RETREG2: variants seen among roughly 807,000 people sequenced by gnomAD.
RETREG2 encodes the protein reticulophagy regulator family member 2, also known as reticulophagy regulator 2.
Under a neutral mutation model 51.6 loss-of-function variants are expected in RETREG2, and 21 were observed. The ratio of observed to expected loss-of-function variants is 0.41; its 90% confidence interval spans 0.29 to 0.59. The LOEUF (loss-of-function observed/expected upper bound fraction) is 0.59, where lower values mean the gene tolerates loss of function less well. Among genes scored for constraint, RETREG2 ranks in the 20% least tolerant of loss-of-function variants. The pLI is 0.34. For synonymous variants in RETREG2, 339 were observed against 288.6 expected (o/e 1.17, Z -1.77); for missense variants, 674 against 646.0 (o/e 1.04, Z -0.47).
rs547495514 is a variant in RETREG2 at position 219,182,303 on chromosome 2, G to A, written c.1306G>A (p.Glu436Lys). ...AGGACCAGTGGAGACACTGAGCCCCGAGACAGTGAGTGGTGGCCTCACTGC... is the reference window on the plus strand; with the variant it reads ...AGGACCAGTGGAGACACTGAGCCCCAAGACAGTGAGTGGTGGCCTCACTGC... ...PGGPVETLSP[E>K]TVSGGLTALP... Residue 436 changes from glutamate to lysine, a missense_variant, in exon 9 of 9, where the codon GAG becomes AAG. Glu to Lys is a moderately conservative substitution (Grantham distance 56, BLOSUM62 1). Transcript: ENST00000430297. 13 of 1,614,072 alleles carry A rather than the reference G, an allele frequency of 8.1e-6. No homozygotes were observed. The highest frequency in any genetic ancestry group is 1.6e-4 in the Middle Eastern group (1 of 6,062).
Position 219,182,530 on chromosome 2 carries a change from A to G in RETREG2, c.1533A>G (p.Pro511=). ...TGAATGCAGAGCTGGGCTTGGAGCC[A>G]GAGACACCGCCAAAACCCCCTGATG... is the stretch of plus-strand genomic sequence containing the variant. ...EQLNAELGLE[P]ETPPKPPDAP... Residue 511 remains proline, a synonymous_variant, in exon 9 of 9, where the codon CCA becomes CCG. Coordinates refer to ENST00000430297, the MANE Select transcript of RETREG2 (RefSeq NM_024293.6). 1 of 1,614,186 alleles carries G rather than the reference A, an allele frequency of 6.2e-7. No homozygotes were observed. Among genetic ancestry groups the G allele is most frequent in the South Asian group, 1.1e-5 (1 of 91,082 alleles).
At chr2:219,181,985 C>G in intron 8 of RETREG2, 28 bp from the exon 9 acceptor site, 1 of 1,606,330 alleles carries the variant, frequency 6.2e-7, no homozygotes, top group Non-Finnish European at 8.5e-7. Context: ...GCAGCAGGCC[C>G]ATTCTTAATT....
chr2:219,182,600 CAAG>C lies in RETREG2; in HGVS notation c.1607_1609del (p.Glu536del). 6.2e-7 allele frequency: 1 copy of C among 1,614,134 alleles called. No homozygotes were observed. Among genetic ancestry groups the C allele is most frequent in the South Asian group, 1.1e-5 (1 of 91,084 alleles). ...CATCCATTCTCTGGTACAGTCAGAC[CAAG>C]AAGCTCAGGCCGTGGCAGAGCCATG... is the stretch of plus-strand genomic sequence containing the variant. On this transcript the variant is annotated inframe_deletion, in exon 9 of 9. Coordinates refer to ENST00000430297, the MANE Select transcript of RETREG2 (RefSeq NM_024293.6).
rs1477029424 is a variant in RETREG2 at position 219,184,803 on chromosome 2, TTTGG to T, written c.*2177_*2180del. 7.5e-6 allele frequency: 1 copy of T among 134,052 alleles called. No individual in the cohort carries two copies. Among genetic ancestry groups the T allele is most frequent in the African/African-American group, 2.6e-5 (1 of 38,138 alleles). 8.3% of individuals were successfully genotyped at this position (134,052 alleles called of 1,614,324 possible). On this transcript the variant is annotated 3_prime_UTR_variant, in exon 9 of 9. Coordinates refer to ENST00000430297, the MANE Select transcript of RETREG2 (RefSeq NM_024293.6). ...GGGTCTATTCTTTTGTTGTTGTTGTTTTGGTTTTTTGTTTTTTGTGGGTTTTTTT... is the reference window on the plus strand; with the variant it reads ...GGGTCTATTCTTTTGTTGTTGTTGTTTTTTTTGTTTTTTGTGGGTTTTTTT...
Position 219,178,956 on chromosome 2 carries a change from C to G in RETREG2, c.316C>G (p.Leu106Val), listed in dbSNP as rs375522296. 3.0e-5 allele frequency: 49 copies of G among 1,613,916 alleles called. No homozygotes were observed. The highest frequency in any genetic ancestry group is 6.7e-5 in the Admixed American group (4 of 59,998). Residue 106 changes from leucine to valine, a missense_variant, in exon 2 of 9, where the codon CTA (leucine) becomes GTA (valine). By Grantham distance (32) the Leu-to-Val change is conservative (BLOSUM62 1). Coordinates refer to ENST00000430297, the MANE Select transcript of RETREG2 (RefSeq NM_024293.6). ...TTCCTCGTCCCTCCGGCCCTTCTTC[C>G]TACTCAGCGTCTCACTTTTGGCCTA... ...LSSSSLRPFF[L>V]LSVSLLAYFL... is the part of the protein sequence containing the mutation.
rs1950320476 is a variant in RETREG2 at position 219,184,275 on chromosome 2, GGAA to G, written c.*1650_*1652del. The G allele has an allele frequency of 6.6e-6, 1 of 152,164 alleles. No homozygotes were observed. The highest frequency in any genetic ancestry group is 1.5e-5 in the Non-Finnish European group (1 of 68,026). The allele number at this position is 152,164 out of a possible 1,614,324, so 9.4% of individuals were successfully genotyped here. ...GGACATGGCAAGCCTTCCTCTTTGG[GGAA>G]GAAAAGCCCAGAACTGAGCAGATGG... On this transcript the variant is annotated 3_prime_UTR_variant, in exon 9 of 9. Transcript: ENST00000430297.
intron 8 of RETREG2, 79 bp from the exon 9 acceptor site, chr2:219,181,934 C>A: frequency 6.4e-7 from 1 of 1,570,962 alleles, no homozygotes. Context: ...GTCTTGAGTT[C>A]TCATCCTTGA....
In RETREG2 at chr2:219,178,407, G is replaced by A; in HGVS notation, c.55G>A (p.Gly19Ser). The change falls in exon 1 of 9, where the codon GGC becomes AGC. Residue 19 changes from glycine (G) to serine (S), a missense_variant. Gly to Ser is a moderately conservative substitution (Grantham distance 56, BLOSUM62 0). Transcript: ENST00000430297. The part of the protein sequence containing the change: ...NTGAGGGPGM[G>S]LSLGLGLGLS... ...TGGCGCGGGTGGGGGGCCGGGGATG[G>A]GCCTGAGCCTGGGCCTGGGTCTGGG... 3.6e-6 allele frequency: 2 copies of A among 554,484 alleles called. No homozygotes were observed. Among genetic ancestry groups the A allele is most frequent in the Middle Eastern group, 4.4e-4 (1 of 2,280 alleles). The allele number at this position is 554,484 out of a possible 1,614,324, so 34.3% of individuals were successfully genotyped here.
intron 2 of RETREG2, 87 bp downstream of exon 2, chr2:219,179,115 G>C: frequency 2.0e-6 from 2 of 988,934 alleles, no homozygotes; most frequent in Non-Finnish European, 3.2e-6. Flanking sequence ...CGAGGGGAAC[G>C]TACAGCAGGC....
Position 219,179,777 on chromosome 2 carries a change from A to C in RETREG2, c.419+14A>C. 1.2e-6 allele frequency: 2 copies of C among 1,613,464 alleles called. No individual in the cohort carries two copies. Among genetic ancestry groups the C allele is most frequent in the African/African-American group, 1.3e-5 (1 of 74,992 alleles). ...ACACTCTGACAGGTGAGTACAGGCC[A>C]CCTCTTGAAGACAAATGCCCACATC... On this transcript the variant is annotated intron_variant, in intron 3 of 8. Transcript: ENST00000430297.
rs758420635 is a variant in RETREG2 at position 219,182,294 on chromosome 2, C to G, written c.1297C>G (p.Leu433Val). ...CTCCCCTGGAGGACCAGTGGAGACACTGAGCCCCGAGACAGTGAGTGGTGG... is the reference window on the plus strand; with the variant it reads ...CTCCCCTGGAGGACCAGTGGAGACAGTGAGCCCCGAGACAGTGAGTGGTGG... ...KCSPGGPVET[L>V]SPETVSGGLT... The change falls in exon 9 of 9, where the codon CTG (leucine) becomes GTG (valine). Residue 433 changes from leucine to valine, a missense_variant. Physicochemically the swap from Leu to Val is conservative, Grantham distance 32 (BLOSUM62 1). Coordinates refer to ENST00000430297, the MANE Select transcript of RETREG2 (RefSeq NM_024293.6). 6 of 1,614,156 alleles carry G rather than the reference C, an allele frequency of 3.7e-6. No individual in the cohort carries two copies. The highest frequency in any genetic ancestry group is 4.5e-5 in the East Asian group (2 of 44,886).
At position 219,180,212 on chromosome 2, in the gene RETREG2, G is replaced by C. The variant is rs182569220; in HGVS notation, c.522G>C (p.Glu174Asp). The C allele has an allele frequency of 6.2e-7, 1 of 1,614,180 alleles. No individual in the cohort carries two copies. Among genetic ancestry groups the C allele is most frequent in the Non-Finnish European group, 8.5e-7 (1 of 1,180,040 alleles). The change falls in exon 4 of 9, where the codon GAG becomes GAC. Residue 174 changes from glutamate (E) to aspartate (D), a missense_variant. Physicochemically the swap from Glu to Asp is conservative, Grantham distance 45. Coordinates refer to ENST00000430297, the MANE Select transcript of RETREG2 (RefSeq NM_024293.6). ...SWLTFQIHLQ[E>D]LLQYKRQNPA... ...TCACCTTCCAGATTCACCTGCAGGA[G>C]CTGCTGCAGTACAAGAGGCAGAATC...
chr2:219,182,718 G>A lies in RETREG2; in HGVS notation c.*89G>A. ...CCTCCTTTGCCTACCACTCTGGGGT[G>A]GGGCAGTGTGTGGGGAAGCTGGCTG... On this transcript the variant is annotated 3_prime_UTR_variant, in exon 9 of 9. Coordinates refer to ENST00000430297, the MANE Select transcript of RETREG2 (RefSeq NM_024293.6). 1 of 1,491,252 alleles carries A rather than the reference G, an allele frequency of 6.7e-7. No individual in the cohort carries two copies. Among genetic ancestry groups the A allele is most frequent in the East Asian group, 2.3e-5 (1 of 43,646 alleles). The allele number at this position is 1,491,252 out of a possible 1,614,324, so 92.4% of individuals were successfully genotyped here.
rs1162941407 is a variant in RETREG2, at chr2:219,184,325, C to T, written c.*1696C>T. 6.6e-6 allele frequency: 1 copy of T among 152,212 alleles called. No homozygotes were observed. The highest frequency in any genetic ancestry group is 1.5e-5 in the Non-Finnish European group (1 of 68,040). 9.4% of individuals were successfully genotyped at this position (152,212 alleles called of 1,614,324 possible). A position where few individuals can be genotyped will look rare whatever the true frequency, so the allele number is the denominator to read the frequency against. ...ATGGCCTCCTTTATGAGTTCATGTC[C>T]TCCGCCTTCAGCTGGAGGTACCATA... On this transcript the variant is annotated 3_prime_UTR_variant, in exon 9 of 9. Coordinates refer to ENST00000430297, the MANE Select transcript of RETREG2 (RefSeq NM_024293.6).
intron 5 of RETREG2, 150 bp from the exon 6 acceptor site, chr2:219,180,912 G>A: frequency 7.6e-7 from 1 of 1,320,538 alleles, no homozygotes. Flanking sequence ...CTTACCTGGG[G>A]AGGAGGGCAG....
chr2:219,179,905 C>T, intron 3 of RETREG2, 142 bp downstream of exon 3: 1 of 1,174,406 alleles, frequency 8.5e-7, no homozygotes, highest in South Asian at 1.2e-5. Context: ...TCCTAGGCTC[C>T]TGTGTAGGTG....
intron 3 of RETREG2, 63 bp downstream of exon 3, chr2:219,179,826 G>T: frequency 6.5e-7 from 1 of 1,544,290 alleles, no homozygotes; most frequent in Non-Finnish European, 9.0e-7. Context: ...TGGTGCCAGT[G>T]TCACCATGGA....
chr2:219,184,819 T>C lies in RETREG2; in HGVS notation c.*2190T>C, dbSNP rs1228081987. On this transcript the variant is annotated 3_prime_UTR_variant, in exon 9 of 9. Coordinates refer to ENST00000430297, the MANE Select transcript of RETREG2 (RefSeq NM_024293.6). ...TGTTGTTGTTTTGGTTTTTTGTTTT[T>C]TGTGGGTTTTTTTTTTTTTTTTTTT... 1.9e-5 allele frequency: 2 copies of C among 106,348 alleles called. No homozygotes were observed. The highest frequency in any genetic ancestry group is 4.0e-5 in the Non-Finnish European group (2 of 49,438). 6.6% of individuals were successfully genotyped at this position (106,348 alleles called of 1,614,324 possible).
At chr2:219,180,946 C>A in intron 5 of RETREG2, 116 bp from the exon 6 acceptor site, 1 of 1,478,128 alleles carries the variant, frequency 6.8e-7, no homozygotes, top group Non-Finnish European at 9.3e-7. Context: ...AAGAGGTTGG[C>A]ACAGCCTTGG....
Sources: allele counts gnomAD v4.1 joint callset, GRCh38; gene constraint gnomAD v4.1.1; transcripts MANE v1.5; gene names NCBI Gene and HGNC (gene_info 2026-07-23, HGNC 2026-07-21).